Variants in GNPDA1 observed in about 807,000 individuals in gnomAD.
GNPDA1 encodes the protein glucosamine-6-phosphate deaminase 1, also known as GNPDA 1.
Under a neutral mutation model 28.5 loss-of-function variants are expected in GNPDA1, and 24 were observed. That is an observed-to-expected ratio of 0.84 (90% CI 0.61 to 1.19). GNPDA1 has a LOEUF of 1.19. Ranked by LOEUF, GNPDA1 falls within the 50% of genes most tolerant of loss-of-function variation. The probability of loss-of-function intolerance (pLI) is 0.00; values close to 1 mark genes in which losing one functional copy is unlikely to be tolerated. For synonymous variants in GNPDA1, 147 were observed against 139.3 expected (o/e 1.06, Z -0.39); for missense variants, 264 against 367.3 (o/e 0.72, Z 2.30).
chr5:142,011,049 C>T (rs1290154471), intron 2 of GNPDA1, among the ~76,000 whole-genome samples: 1 of 151,878 alleles, frequency 6.6e-6, no homozygotes, highest in Non-Finnish European at 1.5e-5. Flanking sequence ...CTGGCTCAAG[C>T]AATCCACCTA....
intron 1 of GNPDA1, 185 bp downstream of exon 1, chr5:142,012,810 G>A (rs1755996024): frequency 3.4e-6 from 1 of 295,004 alleles, no homozygotes; most frequent in Admixed American, 6.5e-5. Context: ...GGTGGCCCGC[G>A]CGGTCGTCGG....
chr5:142,008,331 A>G (rs2127094715), intron 2 of GNPDA1, among the ~76,000 whole-genome samples: 1 of 152,368 alleles, frequency 6.6e-6, no homozygotes, highest in Admixed American at 6.5e-5. Context: ...CAAAGCAGGA[A>G]CGTCAGTTGT....
intron 6 of GNPDA1, among the ~76,000 whole-genome samples, chr5:142,002,759 G>A (rs252116): frequency 0.77 from 116,178 of 151,452 alleles, 44,766 homozygotes; most frequent in East Asian, 0.98. Context: ...GTCTCAAAAA[G>A]AAAGAAAGTA....
intron 2 of GNPDA1, among the ~76,000 whole-genome samples, chr5:142,009,059 A>AGC (rs1554085867): frequency 6.6e-6 from 1 of 151,746 alleles, no homozygotes; most frequent in African/African-American, 2.4e-5. Flanking sequence ...AGAAAAAAAA[A>AGC]GTGTGTGTGT....
chr5:142,004,835 A>G (rs1755761068), intron 5 of GNPDA1, 97 bp downstream of exon 5: 1 of 759,910 alleles, frequency 1.3e-6, no homozygotes, highest in African/African-American at 1.7e-5. Context: ...CCATGCCTTC[A>G]TCTTTAATAA....
intron 2 of GNPDA1, among the ~76,000 whole-genome samples, chr5:142,008,510 T>G (rs1408340978): frequency 6.6e-6 from 1 of 152,232 alleles, no homozygotes; most frequent in Admixed American, 6.5e-5. Context: ...GCAGATCACT[T>G]GAGGTCAGGA....
Position 142,011,931 on chromosome 5 carries a change from G to T in GNPDA1, c.105C>A (p.Phe35Leu). Residue 35 changes from phenylalanine to leucine, a missense_variant, in exon 2 of 7, where the codon TTC becomes TTA. By Grantham distance (22) the Phe-to-Leu change is conservative. Transcript: ENST00000311337. ...IQFNPGPEKY[F>L]TLGLPTGSTP... The stretch of plus-strand genomic sequence containing the variant: ...ACGCACCAGTGGGGAGCCCCAGGGT[G>T]AAGTACTTCTCTGGCCCTGGGTTAA... The T allele has an allele frequency of 1.9e-6, 3 of 1,614,090 alleles. No homozygotes were observed. The highest frequency in any genetic ancestry group is 2.5e-6 in the Non-Finnish European group (3 of 1,179,960).
intron 6 of GNPDA1, among the ~76,000 whole-genome samples, chr5:142,002,668 C>T (rs1755703864): frequency 6.6e-6 from 1 of 152,068 alleles, no homozygotes; most frequent in African/African-American, 2.4e-5. Context: ...CAAGGAGAAT[C>T]ACTTAAGCCC....
intron 2 of GNPDA1, among the ~76,000 whole-genome samples, chr5:142,010,503 T>C (rs1482285444): frequency 2.4e-5 from 1 of 41,130 alleles, no homozygotes; most frequent in African/African-American, 7.4e-5. Context: ...AATGGTTTTC[T>C]TTTCTTTCTT....
Position 142,003,320 on chromosome 5 carries a change from T to C in GNPDA1, c.595-58A>G. On this transcript the variant is annotated intron_variant, in intron 5 of 6. Coordinates refer to ENST00000311337, the MANE Select transcript of GNPDA1 (RefSeq NM_005471.5). This position sits in a 1 kb window ranked among gnomAD's most constrained non-coding sequence, Gnocchi z 4.0. ...GGAGCATTCCAGACACCCTAAACAG[T>C]TGTAAGGATGATTGTTTTTCATATC... 8.7e-7 allele frequency: 1 copy of C among 1,155,240 alleles called. No homozygotes were observed. Among genetic ancestry groups the C allele is most frequent in the South Asian group, 1.4e-5 (1 of 70,564 alleles). The allele number at this position is 1,155,240 out of a possible 1,614,324, so 71.6% of individuals were successfully genotyped here.
intron 1 of GNPDA1, 28 bp from the exon 2 acceptor site, chr5:142,012,069 A>C (rs769957449): frequency 6.4e-7 from 1 of 1,572,372 alleles, no homozygotes; most frequent in South Asian, 1.1e-5. Context: ...GGATGACAGA[A>C]AGGAATCAAT....
chr5:142,006,400 C>A, intron 3 of GNPDA1, 74 bp from the exon 4 acceptor site: 1 of 1,118,552 alleles, frequency 8.9e-7, no homozygotes, highest in Non-Finnish European at 1.3e-6. Context: ...TGCCAGGACA[C>A]CATGCTGACC....
chr5:142,005,003 C>G lies in GNPDA1; in HGVS notation c.523G>C (p.Asp175His). ...GTGGGCACCTTGGTGAGTTCTCCAT[C>G]GAAGAACCTAGCATTGGCCAGGATG... ...DTILANARFF[D>H]GELTKVPTMA... is the part of the protein sequence containing the mutation. The change falls in exon 5 of 7, where the codon GAT becomes CAT. Residue 175 changes from aspartate to histidine, a missense_variant. Asp to His is a moderately conservative substitution (Grantham distance 81). Transcript: ENST00000311337. 1 of 1,613,454 alleles carries G rather than the reference C, an allele frequency of 6.2e-7. No homozygotes were observed.
chr5:142,006,050 C>T, intron 4 of GNPDA1, 94 bp downstream of exon 4: 1 of 1,054,856 alleles, frequency 9.5e-7, no homozygotes, highest in African/African-American at 1.6e-5. Flanking sequence ...CACTAGCACA[C>T]CCAGAAGAAG....
At chr5:142,007,974 G>A (rs1030893723) in intron 2 of GNPDA1, 74 bp from the exon 3 acceptor site, 4 of 810,294 alleles carry the variant, frequency 4.9e-6, no homozygotes, top group Non-Finnish European at 8.7e-6. Flanking sequence ...ACAGGAATAA[G>A]TCAGGGCTGC....
chr5:142,002,068 A>G lies in GNPDA1; in HGVS notation c.831T>C (p.Thr277=). 1 of 1,604,568 alleles carries G rather than the reference A, an allele frequency of 6.2e-7. No homozygotes were observed. The highest frequency in any genetic ancestry group is 8.5e-7 in the Non-Finnish European group (1 of 1,171,478). The part of the protein sequence containing the change: ...DPLYSIKEKE[T]EKSQSSKKPY... ...GTTTCTTCGAAGATTGGCTTTTCTCAGTTTCTTTCTCTTTGATACTGTACA... is the reference window on the plus strand; with the variant it reads ...GTTTCTTCGAAGATTGGCTTTTCTCGGTTTCTTTCTCTTTGATACTGTACA... Residue 277 remains threonine (T), a synonymous_variant, in exon 7 of 7, where the codon ACT becomes ACC. Coordinates refer to ENST00000311337, the MANE Select transcript of GNPDA1 (RefSeq NM_005471.5).
chr5:142,008,508 C>G (rs1755861587), intron 2 of GNPDA1, among the ~76,000 whole-genome samples: 2 of 152,210 alleles, frequency 1.3e-5, no homozygotes, highest in Non-Finnish European at 2.9e-5. Context: ...GGGCAGATCA[C>G]TTGAGGTCAG....
In GNPDA1 at chr5:142,004,768, C is replaced by T. The variant is rs763317353; in HGVS notation, c.594+164G>A. On this transcript the variant is annotated intron_variant, in intron 5 of 6. Transcript: ENST00000311337. Reference sequence around the variant, plus strand: ...TCACACTGGGAATAATGATGTCTTCCAAAGACGCAAGAGGAACAGTGAGTA... The same window carrying T: ...TCACACTGGGAATAATGATGTCTTCTAAAGACGCAAGAGGAACAGTGAGTA... 359 of 492,208 alleles carry T rather than the reference C, an allele frequency of 7.3e-4. 1 individual carries two copies. Among genetic ancestry groups the T allele is most frequent in the South Asian group, 9.7e-4 (19 of 19,608 alleles). 30.5% of individuals were successfully genotyped at this position (492,208 alleles called of 1,614,324 possible).
intron 3 of GNPDA1, among the ~76,000 whole-genome samples, chr5:142,007,071 T>C (rs1042251077): frequency 6.6e-6 from 1 of 152,108 alleles, no homozygotes; most frequent in Non-Finnish European, 1.5e-5. Context: ...TTTCCGTGGC[T>C]GGTGAAGTGG....
Sources: allele counts gnomAD v4.1 joint callset (sites outside exome capture counted in the v4.1 genomes callset), GRCh38; gene constraint gnomAD v4.1.1; non-coding constraint Gnocchi (gnomAD v3.1); transcripts MANE v1.5; gene names NCBI Gene and HGNC (gene_info 2026-07-23, HGNC 2026-07-21).